The following ANO2 variants were observed in gnomAD, a reference collection of about 807,000 sequenced individuals.
ANO2 encodes anoctamin 2, also known as anoctamin-2.
ANO2 carries 101 observed loss-of-function variants against 124.2 expected under a neutral mutation model. The observed-to-expected ratio is 0.81, with a 90% CI of 0.69 to 0.96. The LOEUF is 0.96. Ranked by LOEUF, ANO2 falls within the 40% of genes least tolerant of loss-of-function variation. The pLI is 0.00. For missense variants in ANO2, 1,293 were observed against 1,274.5 expected, an observed-to-expected ratio of 1.01 and a Z score of -0.22; for synonymous variants, 486 against 482.5, an observed-to-expected ratio of 1.01 and a Z score of -0.09.
At position 5,921,047 on chromosome 12, in the gene ANO2, T is replaced by G; in HGVS notation, c.527A>C (p.Asp176Ala). 2.5e-6 allele frequency: 4 copies of G among 1,606,232 alleles called. No individual in the cohort carries two copies. The highest frequency in any genetic ancestry group is 3.4e-6 in the Non-Finnish European group (4 of 1,173,622). Residue 176 changes from aspartate (D) to alanine (A), a missense_variant, in exon 3 of 25, where the codon GAC (aspartate) becomes GCC (alanine). Physicochemically the swap from Asp to Ala is moderately radical, Grantham distance 126. Transcript: ENST00000682330. ...GCCACCCGCCTGACTCACCTCCAAG[T>G]CCTTCTCAAGCTCCAGTCCAGCCTC... ...LMEAGLELEK[D>A]LENKSQGSIF...
chr12:5,655,961 G>C (rs1947131649), intron 14 of ANO2, among the ~76,000 whole-genome samples: 1 of 152,206 alleles, frequency 6.6e-6, no homozygotes, highest in Non-Finnish European at 1.5e-5. Flanking sequence ...TTGACAGAGA[G>C]TTCAAGTAAG....
At chr12:5,742,033 C>G (rs1012617738) in intron 12 of ANO2, among the ~76,000 whole-genome samples, 15 of 152,266 alleles carry the variant, frequency 9.9e-5, no homozygotes, top group Admixed American at 5.9e-4. Context: ...CACTCTCTTT[C>G]CCAACATACC....
At chr12:5,867,304 C>T in intron 3 of ANO2, among the ~76,000 whole-genome samples, 1 of 152,204 alleles carries the variant, frequency 6.6e-6, no homozygotes, top group East Asian at 1.9e-4. Context: ...TGCTCAGCCC[C>T]AACTTGGGCT....
intron 13 of ANO2, among the ~76,000 whole-genome samples, chr12:5,734,494 C>T (rs529055540): frequency 1.1e-4 from 17 of 152,346 alleles, no homozygotes; most frequent in African/African-American, 3.8e-4. Context: ...GAGGCACCCT[C>T]AGCTGACCGA....
chr12:5,727,634 C>CTTTTTTTTTT lies in ANO2; in HGVS notation c.1545+4885_1545+4886insAAAAAAAAAA, dbSNP rs1565614619. 1.5e-5 allele frequency among the ~76,000 whole-genome samples: 2 copies of CTTTTTTTTTT among 133,736 alleles called. 1 individual carries two copies. Among genetic ancestry groups the CTTTTTTTTTT allele is most frequent in the Non-Finnish European group, 3.2e-5 (2 of 62,404 alleles). The allele number at this position is 133,736 out of a possible 152,430, so 87.7% of individuals were successfully genotyped here. A position where few individuals can be genotyped will look rare whatever the true frequency, so the allele number is the denominator to read the frequency against. ...GCAAGGAAGTCCATTCTCACCACTT[C>CTTTTTTTTTT]CTTTTTTTTTTTTTTTTTTTTGAGA... On this transcript the variant is annotated intron_variant, in intron 14 of 24. Coordinates refer to ENST00000682330, the MANE Select transcript of ANO2 (RefSeq NM_001364791.2).
chr12:5,939,404 C>T (rs57613282), intron 1 of ANO2, among the ~76,000 whole-genome samples: 78 of 152,112 alleles, frequency 5.1e-4, no homozygotes, highest in African/African-American at 1.8e-3. Flanking sequence ...GAGCACCTAC[C>T]GTGTGTCAGG....
In ANO2 at chr12:5,787,710, G is replaced by A. The variant is rs1306297977; in HGVS notation, c.1055+11797C>T. On this transcript the variant is annotated intron_variant, in intron 10 of 24. Transcript: ENST00000682330. This position sits in a 1 kb window ranked among gnomAD's most constrained non-coding sequence, Gnocchi z 4.2. ...GATCATTTTTGTTTTGACCCATCCA[G>A]CAAATCATACTAGTTTAAATGTCGC... Among the ~76,000 whole-genome samples, 1 of 152,144 alleles carries A rather than the reference G, an allele frequency of 6.6e-6. No homozygotes were observed. Among genetic ancestry groups the A allele is most frequent in the South Asian group, 2.1e-4 (1 of 4,830 alleles).
chr12:5,604,607 G>A (rs959946705), intron 19 of ANO2, among the ~76,000 whole-genome samples: 1 of 152,154 alleles, frequency 6.6e-6, no homozygotes, highest in African/African-American at 2.4e-5. Context: ...AGACACAGGG[G>A]CTACGGGAGG....
At chr12:5,776,506 A>G (rs1273765792) in intron 10 of ANO2, among the ~76,000 whole-genome samples, 2 of 152,228 alleles carry the variant, frequency 1.3e-5, no homozygotes, top group Non-Finnish European at 2.9e-5. Context: ...TGCATGAACA[A>G]ATGAATGTGT....
chr12:5,933,443 T>C (rs1942515548), intron 1 of ANO2, among the ~76,000 whole-genome samples: 1 of 152,170 alleles, frequency 6.6e-6, no homozygotes. Context: ...ATTAGAAAGA[T>C]GGCCCTGGCT....
intron 14 of ANO2, among the ~76,000 whole-genome samples, chr12:5,708,447 C>T (rs923343211): frequency 3.3e-5 from 5 of 152,186 alleles, no homozygotes; most frequent in African/African-American, 1.2e-4. Context: ...GACCTTCAAC[C>T]TCATCTGGAG....
intron 14 of ANO2, among the ~76,000 whole-genome samples, chr12:5,687,545 T>C (rs939645455): frequency 6.6e-6 from 1 of 152,246 alleles, no homozygotes; most frequent in Non-Finnish European, 1.5e-5. Context: ...TGATGGAGGC[T>C]TGGGGACACC....
chr12:5,667,802 G>T, intron 14 of ANO2, among the ~76,000 whole-genome samples: 1 of 152,216 alleles, frequency 6.6e-6, no homozygotes, highest in East Asian at 1.9e-4. Flanking sequence ...AACATGCGGT[G>T]TTTGGGTTTT....
At chr12:5,844,666 T>C (rs576623481) in intron 4 of ANO2, among the ~76,000 whole-genome samples, 9 of 152,120 alleles carry the variant, frequency 5.9e-5, no homozygotes, top group Non-Finnish European at 1.3e-4. Context: ...AGCAAGACAA[T>C]ATCATTTTTA....
rs375596104 is a variant in ANO2, at chr12:5,938,002, T to A, written c.22+7194A>T. Among the ~76,000 whole-genome samples, 5 of 152,196 alleles carry A rather than the reference T, an allele frequency of 3.3e-5. No homozygotes were observed. The East Asian group carries it at 9.6e-4, about 29-fold the overall frequency. On this transcript the variant is annotated intron_variant, in intron 1 of 24. Transcript: ENST00000682330. ...TCAACATCTCCCAGTACCGTTCGACTTCTACCATTTCTGTTCTGATCTCAA... is the reference window on the plus strand; with the variant it reads ...TCAACATCTCCCAGTACCGTTCGACATCTACCATTTCTGTTCTGATCTCAA...
intron 10 of ANO2, among the ~76,000 whole-genome samples, chr12:5,771,256 A>G (rs896562328): frequency 6.6e-5 from 10 of 152,346 alleles, no homozygotes; most frequent in African/African-American, 2.4e-4. Flanking sequence ...TGTTCTGTGC[A>G]TGAGGCAAGC....
At chr12:5,700,652 C>G (rs1949365456) in intron 14 of ANO2, among the ~76,000 whole-genome samples, 1 of 152,100 alleles carries the variant, frequency 6.6e-6, no homozygotes. Flanking sequence ...AATCCAGGAG[C>G]TGGTTTTTGA....
chr12:5,682,540 G>C (rs1022135746), intron 14 of ANO2, among the ~76,000 whole-genome samples: 3 of 152,170 alleles, frequency 2.0e-5, no homozygotes, highest in Admixed American at 6.5e-5. Flanking sequence ...GCAAGGCTAA[G>C]AGCTCCTGCA....
intron 7 of ANO2, among the ~76,000 whole-genome samples, chr12:5,812,999 CAAGAA>C (rs1223402700): frequency 5.6e-5 from 8 of 143,148 alleles, no homozygotes; most frequent in Admixed American, 2.8e-4. Context: ...AGCAAACAAG[CAAGAA>C]AGAAAGAGAG....
Sources: gnomAD v4.1 joint callset for allele counts (sites outside exome capture counted in the v4.1 genomes callset) on GRCh38, gnomAD v4.1.1 for gene constraint, Gnocchi (gnomAD v3.1) non-coding constraint, MANE v1.5 for transcripts, NCBI Gene and HGNC (gene_info 2026-07-23, HGNC 2026-07-21) for gene names.